The following PPP2R2B variants were observed in gnomAD, a reference collection of about 807,000 sequenced individuals.
PPP2R2B encodes serine/threonine-protein phosphatase 2A 55 kDa regulatory subunit B beta isoform.
Under a neutral mutation model 46.0 loss-of-function variants are expected in PPP2R2B, and 5 were observed. That is an observed-to-expected ratio of 0.11 (90% CI 0.06 to 0.23). The LOEUF (loss-of-function observed/expected upper bound fraction) is 0.23. Ranked by LOEUF, PPP2R2B falls within the 10% of genes least tolerant of loss-of-function variation. PPP2R2B has a pLI of 1.00. For synonymous variants in PPP2R2B, 215 were observed against 206.7 expected, an observed-to-expected ratio of 1.04 and a Z score of -0.34; for missense variants, 367 against 575.0, an observed-to-expected ratio of 0.64 and a Z score of 3.70.
At chr5:146,731,862 CTA>C (rs1752252012) in intron 2 of PPP2R2B, among the ~76,000 whole-genome samples, 2 of 152,068 alleles carry the variant, frequency 1.3e-5, no homozygotes, top group South Asian at 4.1e-4. Context: ...TGTCTTTCCT[CTA>C]TGAGAAGTTT....
At position 146,757,410 on chromosome 5, in the gene PPP2R2B, G is replaced by A. The variant is rs564407078; in HGVS notation, c.71-56268C>T. On this transcript the variant is annotated intron_variant, in intron 2 of 9. Transcript: ENST00000394411. ...GTAGGGTGAGGATTGTGGAACGGAG[G>A]GACCACAGTAGGAACACAAAAATAG... 2.6e-5 allele frequency among the ~76,000 whole-genome samples: 4 copies of A among 152,202 alleles called. No individual in the cohort carries two copies. In the South Asian group the frequency reaches 8.3e-4, roughly 32 times the overall value.
At chr5:146,791,796 C>G (rs1756218142) in intron 2 of PPP2R2B, among the ~76,000 whole-genome samples, 6 of 152,140 alleles carry the variant, frequency 3.9e-5, no homozygotes, top group Admixed American at 3.9e-4. Context: ...TACCAGACCA[C>G]TGGCTGTCTC....
intron 2 of PPP2R2B, among the ~76,000 whole-genome samples, chr5:146,835,527 C>T (rs1019556336): frequency 1.3e-5 from 2 of 152,134 alleles, no homozygotes; most frequent in African/African-American, 4.8e-5. Context: ...AAGATCACTG[C>T]TTCACACCCC....
intron 7 of PPP2R2B, among the ~76,000 whole-genome samples, chr5:146,606,190 G>A (rs931283256): frequency 2.0e-5 from 3 of 152,230 alleles, no homozygotes; most frequent in Admixed American, 2.0e-4. Flanking sequence ...GGGGATAGGA[G>A]AAGAGAGAGA....
intron 1 of PPP2R2B, among the ~76,000 whole-genome samples, chr5:147,002,657 T>C (rs1754232291): frequency 6.6e-6 from 1 of 152,016 alleles, no homozygotes; most frequent in Admixed American, 6.6e-5. Context: ...TTGGTCCTCC[T>C]TGTGGTCTAG....
At chr5:146,940,325 A>G (rs1308470119) in intron 1 of PPP2R2B, among the ~76,000 whole-genome samples, 1 of 152,188 alleles carries the variant, frequency 6.6e-6, no homozygotes, top group Non-Finnish European at 1.5e-5. Flanking sequence ...TTCAAATGTG[A>G]ACATCTATTC....
intron 1 of PPP2R2B, among the ~76,000 whole-genome samples, chr5:146,899,514 A>G (rs1330118177): frequency 1.3e-5 from 2 of 151,222 alleles, no homozygotes; most frequent in African/African-American, 4.9e-5. Context: ...TAGGAGATAT[A>G]CCTAATGCTA....
rs555340619 is a variant in PPP2R2B, at chr5:146,987,723, G to A, written c.79+67942C>T. Among the ~76,000 whole-genome samples, 5 of 151,958 alleles carry A rather than the reference G, an allele frequency of 3.3e-5. No individual in the cohort carries two copies. The South Asian group carries it at 1.0e-3, about 32-fold the overall frequency. ...AAGAGAGGAATAAAGGAATAGAGGA[G>A]TTATAAAACAATCAGAAATCAACAA... On this transcript the variant is annotated intron_variant, in intron 1 of 8. Transcript: ENST00000336640.
intron 1 of PPP2R2B, among the ~76,000 whole-genome samples, chr5:146,961,848 A>AT (rs1013309256): frequency 2.0e-5 from 3 of 151,740 alleles, no homozygotes; most frequent in African/African-American, 7.3e-5. Flanking sequence ...AGCAAAAGGG[A>AT]TTTTCTATGG....
At chr5:146,672,240 C>T (rs554470700) in intron 5 of PPP2R2B, among the ~76,000 whole-genome samples, 3 of 152,110 alleles carry the variant, frequency 2.0e-5, no homozygotes, top group Non-Finnish European at 2.9e-5. Flanking sequence ...TTCTTGTTTT[C>T]GAGTCCTCAA....
At chr5:146,898,522 T>C (rs1230402068) in intron 1 of PPP2R2B, among the ~76,000 whole-genome samples, 9 of 151,792 alleles carry the variant, frequency 5.9e-5, no homozygotes, top group Admixed American at 5.9e-4. Flanking sequence ...ATAAAAACCC[T>C]AGAAGAAAAC....
At chr5:147,020,270 T>C (rs1434893766) in intron 1 of PPP2R2B, among the ~76,000 whole-genome samples, 1 of 152,130 alleles carries the variant, frequency 6.6e-6, no homozygotes, top group Non-Finnish European at 1.5e-5. Flanking sequence ...GAGTTCCTTG[T>C]ACCATTTATT....
At chr5:146,695,582 T>C (rs1226734036) in intron 4 of PPP2R2B, among the ~76,000 whole-genome samples, 1 of 152,216 alleles carries the variant, frequency 6.6e-6, no homozygotes, top group African/African-American at 2.4e-5. Flanking sequence ...CAATTCCCCA[T>C]GGTTGGGTTG....
At chr5:146,846,326 C>A (rs1252203846) in intron 2 of PPP2R2B, among the ~76,000 whole-genome samples, 1 of 151,022 alleles carries the variant, frequency 6.6e-6, no homozygotes, top group Non-Finnish European at 1.5e-5. Flanking sequence ...TTGCAGTGAG[C>A]CAAGATTGCG....
Position 146,791,433 on chromosome 5 carries a change from G to A in PPP2R2B, c.70+86569C>T, listed in dbSNP as rs147362436. On this transcript the variant is annotated intron_variant, in intron 2 of 9. Coordinates refer to ENST00000394411, the MANE Select transcript of PPP2R2B (RefSeq NM_181675.4). ...GTGGTGTGTGCACGTGTGCGTGTGCGTCTGTACAGCTTACAGGTCTGAGCT... is the reference window on the plus strand; with the variant it reads ...GTGGTGTGTGCACGTGTGCGTGTGCATCTGTACAGCTTACAGGTCTGAGCT... 2.1e-4 allele frequency among the ~76,000 whole-genome samples: 32 copies of A among 151,960 alleles called. 1 individual carries two copies. Among genetic ancestry groups the A allele is most frequent in the East Asian group, 5.8e-4 (3 of 5,174 alleles).
intron 2 of PPP2R2B, among the ~76,000 whole-genome samples, chr5:146,854,172 T>C (rs1048520502): frequency 2.0e-5 from 3 of 152,114 alleles, no homozygotes; most frequent in Non-Finnish European, 4.4e-5. Flanking sequence ...CTGACACACA[T>C]TAAATTATTA....
At chr5:147,021,953 T>C (rs548350904) in intron 1 of PPP2R2B, among the ~76,000 whole-genome samples, 2 of 151,760 alleles carry the variant, frequency 1.3e-5, no homozygotes. Flanking sequence ...AACATAAAAA[T>C]ATTGAGGGGA....
intron 1 of PPP2R2B, among the ~76,000 whole-genome samples, chr5:146,952,156 T>C (rs1046568785): frequency 3.3e-5 from 5 of 152,186 alleles, no homozygotes; most frequent in East Asian, 1.9e-4. Flanking sequence ...TATCTTCCCA[T>C]GGGAGTAAAG....
rs754418694 is a variant in PPP2R2B, at chr5:146,741,543, C to T, written c.71-40401G>A. Among the ~76,000 whole-genome samples the T allele has an allele frequency of 6.2e-4, 95 of 152,266 alleles. 1 individual carries two copies. The highest frequency in any genetic ancestry group is 2.7e-3 in the South Asian group (13 of 4,820). The stretch of plus-strand genomic sequence containing the variant: ...TAAGGATTTTTCTACTCTCTCACCC[C>T]TCTACAGGGCAAATGGGAATCCATA... On this transcript the variant is annotated intron_variant, in intron 2 of 9. Transcript: ENST00000394411.
Sources: allele counts gnomAD v4.1 joint callset (sites outside exome capture counted in the v4.1 genomes callset), GRCh38; gene constraint gnomAD v4.1.1; transcripts MANE v1.5; gene names NCBI Gene and HGNC (gene_info 2026-07-23, HGNC 2026-07-21).